FRMPD4: variants seen among roughly 807,000 people sequenced by gnomAD.
The protein encoded by FRMPD4 is FERM and PDZ domain containing 4, also known as FERM and PDZ domain-containing protein 4.
In FRMPD4, 22 loss-of-function variants were observed where a neutral mutation model predicts 94.1. The ratio of observed to expected loss-of-function variants is 0.23; its 90% CI spans 0.17 to 0.33. The LOEUF is 0.33. Ranked by LOEUF, FRMPD4 falls within the 10% of genes least tolerant of loss-of-function variation. FRMPD4 has a pLI of 1.00. For synonymous variants in FRMPD4, 631 were observed against 548.6 expected, an observed-to-expected ratio of 1.15 and a Z score of -2.10; for missense variants, 1,111 against 1,339.9, an observed-to-expected ratio of 0.83 and a Z score of 2.67.
chrX:12,681,923 C>G (rs756108787), intron 5 of FRMPD4, among the ~76,000 whole-genome samples: 2 of 111,613 alleles, frequency 1.8e-5, no homozygotes, highest in Non-Finnish European at 3.8e-5. Flanking sequence ...TGAAAGGAAA[C>G]CCCGTATTCA....
At chrX:12,506,623 T>G (rs2057988596) in intron 2 of FRMPD4, among the ~76,000 whole-genome samples, 1 of 112,701 alleles carries the variant, frequency 8.9e-6, no homozygotes, top group Non-Finnish European at 1.9e-5. Context: ...ACATGAAAAT[T>G]TTAAATTATT....
intron 3 of FRMPD4, among the ~76,000 whole-genome samples, chrX:12,117,725 T>C (rs996838556): frequency 8.9e-6 from 1 of 112,352 alleles, no homozygotes; most frequent in African/African-American, 3.2e-5. Flanking sequence ...GGACTGTCAC[T>C]CTTCTGTGTC....
intron 3 of FRMPD4, among the ~76,000 whole-genome samples, chrX:11,904,163 A>G (rs2053954337): frequency 8.9e-6 from 1 of 111,998 alleles, no homozygotes. Context: ...TTTATTTTGA[A>G]ATAATCACAT....
At chrX:12,475,387 C>T (rs2148182976) in intron 1 of FRMPD4, among the ~76,000 whole-genome samples, 1 of 111,853 alleles carries the variant, frequency 8.9e-6, no homozygotes, top group East Asian at 2.8e-4. Flanking sequence ...AAAGCATTCC[C>T]TTTGAAAACT....
intron 3 of FRMPD4, among the ~76,000 whole-genome samples, chrX:12,096,952 G>T (rs1032351586): frequency 9.0e-6 from 1 of 110,929 alleles, no homozygotes; most frequent in African/African-American, 3.3e-5. Flanking sequence ...GGGACTATTA[G>T]ACTCAATGCC....
At chrX:12,028,405 A>T (rs912635939) in intron 3 of FRMPD4, among the ~76,000 whole-genome samples, 3 of 111,771 alleles carry the variant, frequency 2.7e-5, no homozygotes, top group African/African-American at 9.8e-5. Flanking sequence ...AGCCCCACAC[A>T]TGCATAGCCT....
chrX:12,383,235 A>C (rs1179523829), intron 1 of FRMPD4, among the ~76,000 whole-genome samples: 1 of 112,436 alleles, frequency 8.9e-6, no homozygotes, highest in Non-Finnish European at 1.9e-5. Flanking sequence ...TAGCACATAG[A>C]CAGAAAATTC....
At chrX:12,185,252 G>C (rs970614) in intron 1 of FRMPD4, among the ~76,000 whole-genome samples, 1 of 110,338 alleles carries the variant, frequency 9.1e-6, no homozygotes, top group Non-Finnish European at 1.9e-5. Flanking sequence ...CCTCAGCTCC[G>C]ACTTTAAAAG....
At chrX:11,857,264 A>G (rs184593204) in intron 1 of FRMPD4, among the ~76,000 whole-genome samples, 2 of 112,057 alleles carry the variant, frequency 1.8e-5, no homozygotes, top group African/African-American at 3.2e-5. Flanking sequence ...ATCCTAAGCA[A>G]AAAGAACAAA....
chrX:11,962,648 C>T (rs1307281428), intron 3 of FRMPD4, among the ~76,000 whole-genome samples: 1 of 111,605 alleles, frequency 9.0e-6, no homozygotes, highest in Non-Finnish European at 1.9e-5. Context: ...CATGCTGACA[C>T]CCTGCCTTCA....
chrX:12,495,939 A>G (rs2057845045), intron 1 of FRMPD4, among the ~76,000 whole-genome samples: 1 of 111,185 alleles, frequency 9.0e-6, no homozygotes, highest in African/African-American at 3.3e-5. Flanking sequence ...ACTGGAAACC[A>G]CTGATTTGGG....
chrX:11,904,340 AT>A (rs751164264), intron 3 of FRMPD4, among the ~76,000 whole-genome samples: 99 of 112,049 alleles, frequency 8.8e-4, no homozygotes, highest in African/African-American at 3.0e-3. Flanking sequence ...ATTCAAAAAA[AT>A]CAAGGAGAGA....
At chrX:12,622,005 A>AG (rs1491151367) in intron 4 of FRMPD4, among the ~76,000 whole-genome samples, 26 of 50,282 alleles carry the variant, frequency 5.2e-4, no homozygotes, top group East Asian at 2.2e-3. Flanking sequence ...AAAGAAAGAA[A>AG]GAAAGAAAGA....
chrX:11,975,576 C>CT (rs1297119038), intron 3 of FRMPD4, among the ~76,000 whole-genome samples: 2 of 111,921 alleles, frequency 1.8e-5, no homozygotes, highest in Non-Finnish European at 3.8e-5. Flanking sequence ...AAATTTTATT[C>CT]TTTTTTCATT....
chrX:12,515,990 A>C (rs927832648), intron 2 of FRMPD4, among the ~76,000 whole-genome samples: 4 of 111,207 alleles, frequency 3.6e-5, no homozygotes, highest in African/African-American at 1.3e-4. Context: ...GTTGGTTTAA[A>C]GTCTGTTTTA....
chrX:12,348,050 T>C (rs1335358713), intron 1 of FRMPD4, among the ~76,000 whole-genome samples: 1 of 112,121 alleles, frequency 8.9e-6, no homozygotes, highest in Non-Finnish European at 1.9e-5. Flanking sequence ...AACAGTTGTT[T>C]AGTGGGAACA....
chrX:11,834,213 C>G (rs925608711), intron 1 of FRMPD4, among the ~76,000 whole-genome samples: 2 of 111,843 alleles, frequency 1.8e-5, no homozygotes, highest in African/African-American at 6.5e-5. Flanking sequence ...ATTTGGCAAC[C>G]TGACCCATCT....
intron 1 of FRMPD4, among the ~76,000 whole-genome samples, chrX:12,186,800 C>T (rs2056431020): frequency 8.9e-6 from 1 of 112,176 alleles, no homozygotes; most frequent in African/African-American, 3.2e-5. Flanking sequence ...TGTGGGTTCC[C>T]CTTTGTCTCC....
At chrX:12,253,613 A>G (rs149423038) in intron 1 of FRMPD4, among the ~76,000 whole-genome samples, 1,128 of 111,781 alleles carry the variant, frequency 0.01, 10 homozygotes, top group African/African-American at 0.034. Context: ...AAATGGATAG[A>G]ATTATTCCAA....
Sources: gnomAD v4.1 joint callset for allele counts (sites outside exome capture counted in the v4.1 genomes callset) on GRCh38, gnomAD v4.1.1 for gene constraint, MANE v1.5 for transcripts, NCBI Gene and HGNC (gene_info 2026-07-23, HGNC 2026-07-21) for gene names.